The following CRLS1 variants were observed in gnomAD, a reference collection of about 807,000 sequenced individuals.
CRLS1 encodes the protein cardiolipin synthase 1.
In CRLS1, 24 loss-of-function variants were observed where a neutral mutation model predicts 37.0. The ratio of observed to expected loss-of-function variants is 0.65; its 90% CI spans 0.47 to 0.91. CRLS1 has a LOEUF of 0.91. CRLS1 is among the 40% of genes least tolerant of loss of function. The probability of loss-of-function intolerance (pLI) is 0.00; values close to 1 mark genes in which losing one functional copy is unlikely to be tolerated. For synonymous variants in CRLS1, 135 were observed against 159.7 expected (o/e 0.85, Z 1.17); for missense variants, 373 against 395.8 (o/e 0.94, Z 0.49).
At chr20:6,017,260 A>G (rs1478986939) in intron 3 of CRLS1, among the ~76,000 whole-genome samples, 2 of 152,250 alleles carry the variant, frequency 1.3e-5, no homozygotes, top group African/African-American at 4.8e-5. Context: ...ACCCTCTTCC[A>G]TAGACTTGGA....
At position 6,015,379 on chromosome 20, in the gene CRLS1, CG is replaced by C; in HGVS notation, c.464del (p.Arg155GlnfsTer30). 1 of 1,596,790 alleles carries C rather than the reference CG, an allele frequency of 6.3e-7. No homozygotes were observed. Among genetic ancestry groups the C allele is most frequent in the Non-Finnish European group, 8.5e-7 (1 of 1,170,730 alleles). ...LTDLLDGFIARNWANQRSALG... is the reference protein window; with the variant it reads ...LTDLLDGFIAXNWANQRSALG... ...TTTTCAGTTGGATGGATTTATTGCTCGAAACTGGGCCAATCAAAGATCAGCT... is the reference window on the plus strand; with the variant it reads ...TTTTCAGTTGGATGGATTTATTGCTCAAACTGGGCCAATCAAAGATCAGCT... On this transcript the variant is annotated frameshift_variant, in exon 3 of 7. Transcript: ENST00000378863.
Position 6,006,204 on chromosome 20 carries a change from T to C in CRLS1, c.-43T>C. The C allele has an allele frequency of 2.6e-6, 3 of 1,148,374 alleles. No individual in the cohort carries two copies. Among genetic ancestry groups the C allele is most frequent in the Non-Finnish European group, 3.3e-6 (3 of 915,980 alleles). 71.1% of individuals were successfully genotyped at this position (1,148,374 alleles called of 1,614,324 possible). A position where few individuals can be genotyped will look rare whatever the true frequency, so the allele number is the denominator to read the frequency against. On this transcript the variant is annotated 5_prime_UTR_variant, in exon 1 of 7. The change abolishes the stop of an existing upstream ORF in the 5' untranslated region. Coordinates refer to ENST00000378863, the MANE Select transcript of CRLS1 (RefSeq NM_019095.6). ...GCGGCTCGCCAGTGTCCCAGGCTGC[T>C]GAGCTCTCGCCGCCCGAGACCCCGC...
At position 6,034,843 on chromosome 20, in the gene CRLS1, CA is replaced by C. The variant is rs543396767; in HGVS notation, c.821+289del. ...AGGGACAGTTTCAGGAAGGAAGTGGCATTTGTTGCATGAAGTGGATTGTGTG... is the reference window on the plus strand; with the variant it reads ...AGGGACAGTTTCAGGAAGGAAGTGGCTTTGTTGCATGAAGTGGATTGTGTG... On this transcript the variant is annotated intron_variant, in intron 6 of 6. Coordinates refer to ENST00000378863, the MANE Select transcript of CRLS1 (RefSeq NM_019095.6). 1.1e-4 allele frequency among the ~76,000 whole-genome samples: 16 copies of C among 152,228 alleles called. No homozygotes were observed. The East Asian group carries it at 3.1e-3, about 29-fold the overall frequency.
At chr20:6,027,964 C>A (rs1457779998) in intron 3 of CRLS1, among the ~76,000 whole-genome samples, 1 of 152,134 alleles carries the variant, frequency 6.6e-6, no homozygotes, top group Non-Finnish European at 1.5e-5. Context: ...TACTAATAAG[C>A]CTGGTTAAAA....
rs1012793203 is a variant in CRLS1, at chr20:6,038,967, T to C, written c.*1809T>C. 1.3e-5 allele frequency: 2 copies of C among 152,220 alleles called. No homozygotes were observed. Among genetic ancestry groups the C allele is most frequent in the Non-Finnish European group, 2.9e-5 (2 of 68,036 alleles). The allele number at this position is 152,220 out of a possible 1,614,324, so 9.4% of individuals were successfully genotyped here. A position where few individuals can be genotyped will look rare whatever the true frequency, so the allele number is the denominator to read the frequency against. On this transcript the variant is annotated 3_prime_UTR_variant, in exon 7 of 7. Coordinates refer to ENST00000378863, the MANE Select transcript of CRLS1 (RefSeq NM_019095.6). Reference sequence around the variant, plus strand: ...TTATAAAACACATCAATTCTGCCAGTTTATAAAACACTGGAATTGTATTAG... The same window carrying C: ...TTATAAAACACATCAATTCTGCCAGCTTATAAAACACTGGAATTGTATTAG...
At chr20:6,030,918 G>A (rs1406074553) in intron 3 of CRLS1, among the ~76,000 whole-genome samples, 1 of 152,108 alleles carries the variant, frequency 6.6e-6, no homozygotes, top group Non-Finnish European at 1.5e-5. Flanking sequence ...CAAATGTGCA[G>A]AGCTTAGAAG....
At chr20:6,023,789 C>T (rs1002030982) in intron 3 of CRLS1, among the ~76,000 whole-genome samples, 4 of 151,424 alleles carry the variant, frequency 2.6e-5, no homozygotes, top group African/African-American at 9.7e-5. Flanking sequence ...GAATGTCATT[C>T]GGGATATCTA....
At chr20:6,007,063 G>T (rs915541516) in intron 1 of CRLS1, among the ~76,000 whole-genome samples, 2 of 152,126 alleles carry the variant, frequency 1.3e-5, no homozygotes, top group African/African-American at 4.8e-5. Context: ...TTTAATTATA[G>T]AAAAAGATTT....
At chr20:6,007,388 G>A in intron 1 of CRLS1, 2 of 1,613,688 alleles carry the variant, frequency 1.2e-6, no homozygotes, top group South Asian at 2.2e-5. Flanking sequence ...CAGAACGGCA[G>A]TAGTTGGTCG....
intron 3 of CRLS1, among the ~76,000 whole-genome samples, chr20:6,029,718 A>T (rs1294789117): frequency 6.6e-6 from 1 of 152,160 alleles, no homozygotes; most frequent in Non-Finnish European, 1.5e-5. Flanking sequence ...GCTACAGAAA[A>T]GTTTGTTTAC....
At chr20:6,007,200 T>C (rs934419704) in intron 1 of CRLS1, 10 of 1,425,050 alleles carry the variant, frequency 7.0e-6, no homozygotes, top group Non-Finnish European at 8.3e-6. Context: ...ACTCATGCAA[T>C]TATTACATCT....
chr20:6,007,738 G>C (rs571524650), intron 1 of CRLS1, among the ~76,000 whole-genome samples: 1 of 152,240 alleles, frequency 6.6e-6, no homozygotes, highest in East Asian at 1.9e-4. Context: ...TTGAGTTGCT[G>C]TAACCTTTGA....
rs1980685815 is a variant in CRLS1, at chr20:6,037,883, T to G, written c.*725T>G. On this transcript the variant is annotated 3_prime_UTR_variant, in exon 7 of 7. Coordinates refer to ENST00000378863, the MANE Select transcript of CRLS1 (RefSeq NM_019095.6). ...AAAGGCAGTGAGTTACGTTCCTGCCTTCCACTGTGTTTCTGACATAGCAAT... is the reference window on the plus strand; with the variant it reads ...AAAGGCAGTGAGTTACGTTCCTGCCGTCCACTGTGTTTCTGACATAGCAAT... 6.6e-6 allele frequency: 1 copy of G among 152,210 alleles called. No homozygotes were observed. The highest frequency in any genetic ancestry group is 6.5e-5 in the Admixed American group (1 of 15,280). The allele number at this position is 152,210 out of a possible 1,614,324, so 9.4% of individuals were successfully genotyped here. A position where few individuals can be genotyped will look rare whatever the true frequency, so the allele number is the denominator to read the frequency against.
chr20:6,009,658 A>T, intron 1 of CRLS1, 117 bp from the exon 2 acceptor site: 3 of 740,218 alleles, frequency 4.1e-6, no homozygotes, highest in Non-Finnish European at 6.2e-6. Context: ...CTAAATTTAA[A>T]GTTTATGTAG....
In CRLS1 at chr20:6,037,371, A is replaced by C. The variant is rs1980633496; in HGVS notation, c.*213A>C. Reference sequence around the variant, plus strand: ...TCCAATGTATTTTTAAATACAAATAAAATTGTAATTTAGAATTTTTAATCT... The same window carrying C: ...TCCAATGTATTTTTAAATACAAATACAATTGTAATTTAGAATTTTTAATCT... On this transcript the variant is annotated 3_prime_UTR_variant, in exon 7 of 7. Coordinates refer to ENST00000378863, the MANE Select transcript of CRLS1 (RefSeq NM_019095.6). 1 of 348,066 alleles carries C rather than the reference A, an allele frequency of 2.9e-6. No homozygotes were observed. Among genetic ancestry groups the C allele is most frequent in the Non-Finnish European group, 5.1e-6 (1 of 195,494 alleles). The allele number at this position is 348,066 out of a possible 1,614,324, so 21.6% of individuals were successfully genotyped here. A position where few individuals can be genotyped will look rare whatever the true frequency, so the allele number is the denominator to read the frequency against.
Position 6,006,506 on chromosome 20 carries a change from C to T in CRLS1, c.260C>T (p.Ala87Val). The T allele has an allele frequency of 7.4e-7, 1 of 1,346,708 alleles. No individual in the cohort carries two copies. Among genetic ancestry groups the T allele is most frequent in the South Asian group, 1.9e-5 (1 of 52,196 alleles). 83.4% of individuals were successfully genotyped at this position (1,346,708 alleles called of 1,614,324 possible). ...PRPAAGAGAA[A>V]EAPGGQWGPA... is the part of the protein sequence containing the mutation. ...CCAGCGGCCGGAGCGGGCGCCGCTG[C>T]CGAAGCCCCGGGCGGCCAGTGGGGC... is the stretch of plus-strand genomic sequence containing the variant. Residue 87 changes from alanine to valine, a missense_variant, in exon 1 of 7, where the codon GCC becomes GTC. Coordinates refer to ENST00000378863, the MANE Select transcript of CRLS1 (RefSeq NM_019095.6).
At chr20:6,007,252 A>C (rs1204074120) in intron 1 of CRLS1, 47 of 1,523,414 alleles carry the variant, frequency 3.1e-5, no homozygotes, top group Non-Finnish European at 3.4e-5. Flanking sequence ...TGCTTTCATC[A>C]GTTGTACAGC....
chr20:6,037,124 A>G lies in CRLS1; in HGVS notation c.872A>G (p.Tyr291Cys). Residue 291 changes from tyrosine to cysteine, a missense_variant, in exon 7 of 7, where the codon TAT (tyrosine) becomes TGT (cysteine). Transcript: ENST00000378863. ...GCATCAGCTTATAGTTACTATCATTATGGCCGGAAGACTGTTCAGGTGATA... is the reference window on the plus strand; with the variant it reads ...GCATCAGCTTATAGTTACTATCATTGTGGCCGGAAGACTGTTCAGGTGATA... ...TAASAYSYYH[Y>C]GRKTVQVIKD is the part of the protein sequence containing the mutation. 6.2e-7 allele frequency: 1 copy of G among 1,613,712 alleles called. No individual in the cohort carries two copies. The highest frequency in any genetic ancestry group is 8.5e-7 in the Non-Finnish European group (1 of 1,179,840).
intron 3 of CRLS1, among the ~76,000 whole-genome samples, chr20:6,018,257 T>A (rs1978926191): frequency 6.7e-6 from 1 of 149,206 alleles, no homozygotes; most frequent in African/African-American, 2.5e-5. Flanking sequence ...TATAACTCCA[T>A]GTTGATATGA....
Sources: allele counts gnomAD v4.1 joint callset (sites outside exome capture counted in the v4.1 genomes callset), GRCh38; gene constraint gnomAD v4.1.1; transcripts MANE v1.5; gene names NCBI Gene and HGNC (gene_info 2026-07-23, HGNC 2026-07-21).